The following FHIT variants were observed in gnomAD, a reference collection of about 807,000 sequenced individuals.
FHIT encodes bis(5'-adenosyl)-triphosphatase.
In FHIT, 19 loss-of-function variants were observed where a neutral mutation model predicts 17.9. That is an observed-to-expected ratio of 1.06 (90% confidence interval 0.74 to 1.56). The LOEUF (loss-of-function observed/expected upper bound fraction) is 1.56. Among genes scored for constraint, FHIT ranks in the 40% most tolerant of loss-of-function variants. The pLI is 0.00. For synonymous variants in FHIT, 81 were observed against 69.7 expected (o/e 1.16, Z -0.81); for missense variants, 248 against 189.2 (o/e 1.31, Z -1.82).
At chr3:60,852,569 T>G (rs932526760) in intron 3 of FHIT, among the ~76,000 whole-genome samples, 2 of 152,118 alleles carry the variant, frequency 1.3e-5, no homozygotes, top group East Asian at 3.9e-4. Flanking sequence ...GTAATATTTT[T>G]TCATGAGCTG....
chr3:60,304,088 T>G (rs186279212), intron 5 of FHIT, among the ~76,000 whole-genome samples: 5 of 152,172 alleles, frequency 3.3e-5, no homozygotes, highest in African/African-American at 1.2e-4. Flanking sequence ...CTTCTTTACG[T>G]AGACACACAG....
At chr3:59,817,605 G>T in intron 8 of FHIT, among the ~76,000 whole-genome samples, 1 of 140,678 alleles carries the variant, frequency 7.1e-6, no homozygotes, top group Admixed American at 7.0e-5. Flanking sequence ...AAAGAAAAAA[G>T]AAAAAGAAGA....
At chr3:59,801,097 T>C (rs1257937785) in intron 8 of FHIT, among the ~76,000 whole-genome samples, 2 of 152,216 alleles carry the variant, frequency 1.3e-5, no homozygotes, top group African/African-American at 4.8e-5. Flanking sequence ...GTTGCAGAGC[T>C]GTACCTGCTC....
intron 8 of FHIT, among the ~76,000 whole-genome samples, chr3:59,896,021 C>T (rs538503024): frequency 3.9e-5 from 6 of 152,152 alleles, no homozygotes; most frequent in Non-Finnish European, 7.3e-5. Flanking sequence ...AAAGTCAACT[C>T]GTCAGAGAAA....
At position 60,267,792 on chromosome 3, in the gene FHIT, A is replaced by G. The variant is rs570887631; in HGVS notation, c.104-253640T>C. On this transcript the variant is annotated intron_variant, in intron 5 of 9. Coordinates refer to ENST00000492590, the MANE Select transcript of FHIT (RefSeq NM_002012.4). ...TTTTCTGGAATTATATTTTTTCTAGATTGCTGATCACCACGTACATGAATA... is the reference window on the plus strand; with the variant it reads ...TTTTCTGGAATTATATTTTTTCTAGGTTGCTGATCACCACGTACATGAATA... 7.4e-4 allele frequency among the ~76,000 whole-genome samples: 113 copies of G among 152,286 alleles called. 1 individual carries two copies. Among genetic ancestry groups the G allele is most frequent in the African/African-American group, 2.6e-3 (107 of 41,566 alleles).
chr3:60,717,869 T>A (rs561278222), intron 4 of FHIT, among the ~76,000 whole-genome samples: 11 of 152,296 alleles, frequency 7.2e-5, no homozygotes, highest in African/African-American at 2.2e-4. Flanking sequence ...GGTATAGCTG[T>A]CTACAAGAAA....
chr3:60,529,027 T>C, intron 5 of FHIT, among the ~76,000 whole-genome samples: 1 of 152,184 alleles, frequency 6.6e-6, no homozygotes, highest in East Asian at 1.9e-4. Flanking sequence ...GCTCCTGAAA[T>C]ATATTTAAAG....
intron 5 of FHIT, among the ~76,000 whole-genome samples, chr3:60,329,323 C>T (rs568546250): frequency 7.2e-5 from 11 of 152,292 alleles, no homozygotes; most frequent in African/African-American, 2.6e-4. Flanking sequence ...CAGCTGAAAG[C>T]AGCCTCCCTG....
chr3:60,969,639 CATT>C (rs1223871909), intron 3 of FHIT, among the ~76,000 whole-genome samples: 1 of 152,114 alleles, frequency 6.6e-6, no homozygotes, highest in South Asian at 2.1e-4. Context: ...GGAATTCTAT[CATT>C]ATCATTTTAT....
At chr3:59,968,330 G>A (rs1045532138) in intron 7 of FHIT, among the ~76,000 whole-genome samples, 2 of 151,846 alleles carry the variant, frequency 1.3e-5, no homozygotes, top group African/African-American at 4.8e-5. Context: ...TAAAGGCCTG[G>A]CCAGAAAAAG....
intron 4 of FHIT, among the ~76,000 whole-genome samples, chr3:60,622,451 G>C (rs1424746167): frequency 6.6e-6 from 1 of 152,050 alleles, no homozygotes; most frequent in Non-Finnish European, 1.5e-5. Flanking sequence ...ACACTTAAGA[G>C]AGAGAAAGGC....
At chr3:60,005,554 C>T (rs1699892958) in intron 7 of FHIT, among the ~76,000 whole-genome samples, 1 of 152,158 alleles carries the variant, frequency 6.6e-6, no homozygotes, top group East Asian at 1.9e-4. Flanking sequence ...TACACCCAAA[C>T]CCATCCCCCT....
chr3:60,744,583 T>C (rs1163914756), intron 4 of FHIT, among the ~76,000 whole-genome samples: 2 of 152,168 alleles, frequency 1.3e-5, no homozygotes, highest in East Asian at 1.9e-4. Context: ...CCCAGAGAGA[T>C]TGTCCCCACA....
At chr3:61,138,319 G>GCT (rs1211058993) in intron 2 of FHIT, among the ~76,000 whole-genome samples, 1 of 152,174 alleles carries the variant, frequency 6.6e-6, no homozygotes, top group Non-Finnish European at 1.5e-5. Context: ...GATCACCAGG[G>GCT]CCCATCCTTG....
At chr3:60,699,545 T>C (rs921412705) in intron 4 of FHIT, among the ~76,000 whole-genome samples, 2 of 152,132 alleles carry the variant, frequency 1.3e-5, no homozygotes, top group Admixed American at 6.5e-5. Context: ...AAATGGTAAT[T>C]TGTAAAGTAT....
chr3:60,531,403 C>T (rs936844277), intron 5 of FHIT, among the ~76,000 whole-genome samples: 3 of 151,240 alleles, frequency 2.0e-5, no homozygotes, highest in African/African-American at 7.3e-5. Flanking sequence ...CTCAGCCTCC[C>T]GAGTAGCTGG....
At chr3:59,973,619 T>C (rs1350498847) in intron 7 of FHIT, among the ~76,000 whole-genome samples, 1 of 152,166 alleles carries the variant, frequency 6.6e-6, no homozygotes, top group Non-Finnish European at 1.5e-5. Context: ...TTAAGTTTTT[T>C]ATTAATTTCC....
At chr3:59,960,303 G>T (rs1707610015) in intron 7 of FHIT, among the ~76,000 whole-genome samples, 1 of 152,172 alleles carries the variant, frequency 6.6e-6, no homozygotes, top group Non-Finnish European at 1.5e-5. Context: ...AGCAGAAATG[G>T]ATGGATTTAA....
chr3:60,490,436 A>G (rs1199084422), intron 5 of FHIT, among the ~76,000 whole-genome samples: 2 of 152,114 alleles, frequency 1.3e-5, no homozygotes, highest in African/African-American at 2.4e-5. Flanking sequence ...TAAAAAATAT[A>G]TAACAACCTA....
Sources: gnomAD v4.1 joint callset for allele counts (sites outside exome capture counted in the v4.1 genomes callset) on GRCh38, gnomAD v4.1.1 for gene constraint, MANE v1.5 for transcripts, NCBI Gene and HGNC (gene_info 2026-07-23, HGNC 2026-07-21) for gene names.